CRHR1: variants seen among roughly 807,000 people sequenced by gnomAD.
CRHR1 encodes the protein corticotropin releasing hormone receptor 1, also known as corticotropin-releasing hormone receptor 1.
Under a neutral mutation model 56.0 loss-of-function variants are expected in CRHR1, and 28 were observed. The observed-to-expected ratio is 0.50, with a 90% CI of 0.37 to 0.69. The LOEUF (loss-of-function observed/expected upper bound fraction) is 0.69, where lower values mean the gene tolerates loss of function less well. Ranked by LOEUF, CRHR1 falls within the 30% of genes least tolerant of loss-of-function variation. CRHR1 has a pLI of 0.00. For missense variants in CRHR1, 376 were observed against 548.0 expected (o/e 0.69, Z 3.13); for synonymous variants, 195 against 216.5 (o/e 0.90, Z 0.87).
intron 4 of CRHR1, among the ~76,000 whole-genome samples, chr17:45,824,527 G>A (rs922826868): frequency 4.6e-5 from 7 of 152,110 alleles, no homozygotes; most frequent in African/African-American, 1.7e-4. Context: ...AGGCCTAAGG[G>A]CAGTAGGTTA....
Position 45,807,036 on chromosome 17 carries a change from C to A in CRHR1, c.60C>A (p.Pro20=). Reference sequence around the variant, plus strand: ...CCCTTCTCCTTCTGGGGCTGAACCCCGTCTCTGCCTCCCTCCAGGACCAGC... The same window carrying A: ...CCCTTCTCCTTCTGGGGCTGAACCCAGTCTCTGCCTCCCTCCAGGACCAGC... ...VKALLLLGLN[P]VSASLQDQHC... is the part of the protein sequence containing the mutation. The change falls in exon 2 of 13, where the codon CCC becomes CCA. Residue 20 remains proline (P), a synonymous_variant. Coordinates refer to ENST00000314537, the MANE Select transcript of CRHR1 (RefSeq NM_004382.5). The A allele has an allele frequency of 1.2e-6, 2 of 1,614,014 alleles. No individual in the cohort carries two copies. The highest frequency in any genetic ancestry group is 1.7e-6 in the Non-Finnish European group (2 of 1,179,986).
rs928405556 is a variant in CRHR1 at position 45,784,962 on chromosome 17, C to T, written c.33+385C>T. On this transcript the variant is annotated intron_variant, in intron 1 of 12. Coordinates refer to ENST00000314537, the MANE Select transcript of CRHR1 (RefSeq NM_004382.5). The surrounding 1 kb of genome is among the most constrained non-coding windows in gnomAD (Gnocchi z 4.2). ...GGACTGGAGACTCTGAAGCGGGGTTCCCACCTCGCCCCAGCGCCCCCAAAC... is the reference window on the plus strand; with the variant it reads ...GGACTGGAGACTCTGAAGCGGGGTTTCCACCTCGCCCCAGCGCCCCCAAAC... Among the ~76,000 whole-genome samples the T allele has an allele frequency of 1.4e-4, 21 of 152,206 alleles. 1 individual carries two copies. Among genetic ancestry groups the T allele is most frequent in the African/African-American group, 4.1e-4 (17 of 41,544 alleles).
intron 1 of CRHR1, among the ~76,000 whole-genome samples, chr17:45,785,034 C>T (rs1354247098): frequency 1.3e-5 from 2 of 152,224 alleles, no homozygotes; most frequent in African/African-American, 4.8e-5. Flanking sequence ...GGAGCGCGTC[C>T]TGCCCCTTCC....
At chr17:45,796,156 C>T (rs551472679) in intron 1 of CRHR1, among the ~76,000 whole-genome samples, 1 of 152,352 alleles carries the variant, frequency 6.6e-6, no homozygotes, top group East Asian at 1.9e-4. Flanking sequence ...GAGAGCACAG[C>T]TGATAGTGTC....
At chr17:45,829,346 C>T (rs771549972) in intron 5 of CRHR1, 25 bp downstream of exon 5, 1 of 1,589,348 alleles carries the variant, frequency 6.3e-7, no homozygotes, top group Non-Finnish European at 8.6e-7. Flanking sequence ...GCACTGCCTC[C>T]TCCTGTCCCC....
chr17:45,797,580 A>G (rs539768880), intron 1 of CRHR1, among the ~76,000 whole-genome samples: 2 of 152,092 alleles, frequency 1.3e-5, no homozygotes, highest in East Asian at 3.9e-4. Flanking sequence ...GCCCGGCCCC[A>G]TGCAGTTTTA....
intron 2 of CRHR1, 124 bp from the exon 3 acceptor site, chr17:45,816,339 C>T: frequency 7.6e-7 from 1 of 1,321,758 alleles, no homozygotes; most frequent in East Asian, 2.5e-5. Flanking sequence ...TTGTTGTCAT[C>T]CTGTCCCTAG....
At chr17:45,811,354 T>C (rs1332990510) in intron 2 of CRHR1, among the ~76,000 whole-genome samples, 4 of 152,180 alleles carry the variant, frequency 2.6e-5, no homozygotes, top group Non-Finnish European at 5.9e-5. Flanking sequence ...TCCACACCTC[T>C]CCTCTGCTCT....
In CRHR1 at chr17:45,784,931, G is replaced by A. The variant is rs978089773; in HGVS notation, c.33+354G>A. On this transcript the variant is annotated intron_variant, in intron 1 of 12. Transcript: ENST00000314537. The surrounding 1 kb of genome is among the most constrained non-coding windows in gnomAD (Gnocchi z 4.2). ...TCCCACGCCCTTCCTGCAGACCTCG[G>A]CCCCGGGACTGGAGACTCTGAAGCG... Among the ~76,000 whole-genome samples the A allele has an allele frequency of 5.3e-5, 8 of 152,236 alleles. No individual in the cohort carries two copies. In the South Asian group the frequency reaches 1.2e-3, roughly 24 times the overall value.
chr17:45,818,605 G>A (rs180979362), intron 3 of CRHR1, among the ~76,000 whole-genome samples: 2 of 152,332 alleles, frequency 1.3e-5, no homozygotes, highest in Admixed American at 1.3e-4. Context: ...GAGCTGGGGT[G>A]ATGGCCTCTC....
intron 1 of CRHR1, among the ~76,000 whole-genome samples, chr17:45,785,950 A>G (rs2061328227): frequency 1.3e-5 from 2 of 152,228 alleles, no homozygotes; most frequent in Non-Finnish European, 2.9e-5. Flanking sequence ...TCGAGGAGAC[A>G]GACAGGTGAG....
chr17:45,794,499 C>A (rs1441087127), intron 1 of CRHR1, among the ~76,000 whole-genome samples: 1 of 152,252 alleles, frequency 6.6e-6, no homozygotes, highest in African/African-American at 2.4e-5. Context: ...TTGTGTGTCT[C>A]CATTGCATGG....
chr17:45,802,638 A>C (rs73309333), intron 1 of CRHR1, among the ~76,000 whole-genome samples: 2,247 of 152,256 alleles, frequency 0.015, 67 homozygotes, highest in African/African-American at 0.05. Context: ...CAGAGAGGAA[A>C]GGTTGGTTTG....
intron 1 of CRHR1, among the ~76,000 whole-genome samples, chr17:45,803,775 T>TGTGCGCGC (rs71138510): frequency 4.2e-4 from 63 of 150,446 alleles, no homozygotes; most frequent in Admixed American, 2.7e-3. Flanking sequence ...TGTGTGTGTG[T>TGTGCGCGC]GCGTGCGCGT....
chr17:45,824,024 G>A (rs2062103118), intron 4 of CRHR1, among the ~76,000 whole-genome samples: 1 of 152,226 alleles, frequency 6.6e-6, no homozygotes, highest in African/African-American at 2.4e-5. Flanking sequence ...AGCTTGCTAA[G>A]CCCCCACACA....
At chr17:45,822,208 T>C (rs916165859) in intron 4 of CRHR1, among the ~76,000 whole-genome samples, 3 of 152,274 alleles carry the variant, frequency 2.0e-5, no homozygotes, top group African/African-American at 4.8e-5. Flanking sequence ...ATCTTCATTC[T>C]TTTTGCATTT....
chr17:45,799,395 CA>C (rs1268596001), intron 1 of CRHR1: 1 of 152,252 alleles, frequency 6.6e-6, no homozygotes, highest in African/African-American at 2.4e-5. Flanking sequence ...AACCAGATCC[CA>C]GTATTTAAAT....
At chr17:45,796,001 A>G (rs1341727528) in intron 1 of CRHR1, among the ~76,000 whole-genome samples, 2 of 152,204 alleles carry the variant, frequency 1.3e-5, no homozygotes, top group East Asian at 1.9e-4. Context: ...TAAATAAAGT[A>G]GAACCTAATT....
chr17:45,791,218 A>G (rs1302982404), intron 1 of CRHR1, among the ~76,000 whole-genome samples: 1 of 150,806 alleles, frequency 6.6e-6, no homozygotes, highest in Non-Finnish European at 1.5e-5. Context: ...TGGCTGGGGG[A>G]CAAGGGGCTG....
Sources: gnomAD v4.1 joint callset for allele counts (sites outside exome capture counted in the v4.1 genomes callset) on GRCh38, gnomAD v4.1.1 for gene constraint, Gnocchi (gnomAD v3.1) non-coding constraint, MANE v1.5 for transcripts, NCBI Gene and HGNC (gene_info 2026-07-23, HGNC 2026-07-21) for gene names.